Variants in BAIAP2L2 observed in about 807,000 individuals in gnomAD.
The protein encoded by BAIAP2L2 is BAR/IMD domain containing adaptor protein 2 like 2, also known as BAR/IMD domain-containing adapter protein 2-like 2.
In BAIAP2L2, 65 loss-of-function variants were observed where a neutral mutation model predicts 60.4. That is an observed-to-expected ratio of 1.08 (90% CI 0.88 to 1.32). The LOEUF (loss-of-function observed/expected upper bound fraction) is 1.32. Ranked by LOEUF, BAIAP2L2 falls within the 40% of genes most tolerant of loss-of-function variation. The pLI is 0.00. For synonymous variants in BAIAP2L2, 344 were observed against 301.7 expected (o/e 1.14, Z -1.45); for missense variants, 836 against 741.2 (o/e 1.13, Z -1.48).
At chr22:38,103,486 T>G (rs949361401) in intron 4 of BAIAP2L2, among the ~76,000 whole-genome samples, 1 of 152,150 alleles carries the variant, frequency 6.6e-6, no homozygotes. Flanking sequence ...AATGGCTCAT[T>G]CCATGTCTCA....
intron 4 of BAIAP2L2, among the ~76,000 whole-genome samples, chr22:38,107,610 C>G (rs2086690293): frequency 6.6e-6 from 1 of 152,180 alleles, no homozygotes; most frequent in Non-Finnish European, 1.5e-5. Context: ...CAGGCAATGA[C>G]TAGCTCTTTG....
chr22:38,088,008 A>C (rs2086151291), intron 10 of BAIAP2L2, among the ~76,000 whole-genome samples: 1 of 151,074 alleles, frequency 6.6e-6, no homozygotes, highest in Non-Finnish European at 1.5e-5. Context: ...AGGACCACTC[A>C]TCCATCCGTG....
At chr22:38,089,267 G>C (rs1601996891) in intron 8 of BAIAP2L2, 36 bp from the exon 9 acceptor site, 1 of 192,596 alleles carries the variant, frequency 5.2e-6, no homozygotes, top group Non-Finnish European at 8.8e-6. Flanking sequence ...GTGGGGCGGG[G>C]GGGGGGGGGG....
chr22:38,109,547 T>C (rs1408697035), intron 1 of BAIAP2L2, among the ~76,000 whole-genome samples: 1 of 152,188 alleles, frequency 6.6e-6, no homozygotes, highest in African/African-American at 2.4e-5. Flanking sequence ...GCCCGCCTGC[T>C]GTGGTCCCCA....
In BAIAP2L2 at chr22:38,087,148, T is replaced by TTCATGGGTGTCATGGGTGTCATGGGTG. The variant is rs132924; in HGVS notation, c.1234_1235insCACCCATGACACCCATGACACCCATGA (p.Met411_Asn412insThrProMetThrProMetThrProMet). 35 of 1,591,896 alleles carry TTCATGGGTGTCATGGGTGTCATGGGTG rather than the reference T, an allele frequency of 2.2e-5. No individual in the cohort carries two copies. The highest frequency in any genetic ancestry group is 2.6e-5 in the Non-Finnish European group (30 of 1,170,934). On this transcript the variant is annotated inframe_insertion, in exon 11 of 14. Coordinates refer to ENST00000381669, the MANE Select transcript of BAIAP2L2 (RefSeq NM_025045.6). ...CCTGGAAGGCAGCTCGTTCCCGGGG[T>TTCATGGGTGTCATGGGTGTCATGGGTG]TCATGGGTGTCATGGGGGACATGGA...
intron 12 of BAIAP2L2, 90 bp downstream of exon 12, chr22:38,086,152 G>T: frequency 7.0e-7 from 1 of 1,419,178 alleles, no homozygotes; most frequent in Non-Finnish European, 9.6e-7. Flanking sequence ...CGGGTCCCCT[G>T]CCAGACAGCC....
chr22:38,105,820 T>A (rs937452663), intron 4 of BAIAP2L2, among the ~76,000 whole-genome samples: 1 of 152,220 alleles, frequency 6.6e-6, no homozygotes, highest in African/African-American at 2.4e-5. Flanking sequence ...TTTTGTCTGC[T>A]GTATTCCCGC....
intron 11 of BAIAP2L2, among the ~76,000 whole-genome samples, chr22:38,086,908 A>G (rs957704817): frequency 1.3e-5 from 2 of 150,712 alleles, no homozygotes; most frequent in African/African-American, 4.9e-5. Flanking sequence ...AGGCAGGAGA[A>G]TCGCTTGAAT....
chr22:38,088,951 G>A lies in BAIAP2L2; in HGVS notation c.915C>T (p.Ser305=). The stretch of plus-strand genomic sequence containing the variant: ...TGGAGCGCGAGCTTTGGGCGCTGCC[G>A]CTGTAGAGCGAGGCTGTGGGCGGGA... ...PRTPSASSLY[S]GSAQSSRSNS... The change falls in exon 10 of 14, where the codon AGC becomes AGT. Residue 305 remains serine (S), a synonymous_variant. Coordinates refer to ENST00000381669, the MANE Select transcript of BAIAP2L2 (RefSeq NM_025045.6). The A allele has an allele frequency of 1.3e-6, 2 of 1,528,502 alleles. No individual in the cohort carries two copies. Among genetic ancestry groups the A allele is most frequent in the South Asian group, 1.2e-5 (1 of 82,980 alleles). 94.7% of individuals were successfully genotyped at this position (1,528,502 alleles called of 1,614,324 possible).
At chr22:38,087,637 T>C (rs1384162414) in intron 10 of BAIAP2L2, among the ~76,000 whole-genome samples, 1 of 151,938 alleles carries the variant, frequency 6.6e-6, no homozygotes, top group Non-Finnish European at 1.5e-5. Flanking sequence ...GTTGGCGTTC[T>C]CAGTCATCTC....
intron 10 of BAIAP2L2, 103 bp downstream of exon 10, chr22:38,088,645 C>T: frequency 8.1e-7 from 1 of 1,233,812 alleles, no homozygotes; most frequent in Non-Finnish European, 1.1e-6. Flanking sequence ...TCCGAGGCCC[C>T]CGGGGGAGGC....
At position 38,085,436 on chromosome 22, in the gene BAIAP2L2, C is replaced by T. The variant is rs535761896; in HGVS notation, c.1515-61G>A. 1,097 of 1,553,668 alleles carry T rather than the reference C, an allele frequency of 7.1e-4. 6 individuals carry two copies. Among genetic ancestry groups the T allele is most frequent in the Middle Eastern group, 5.2e-3 (31 of 5,944 alleles). ...AGATGATCCCCACCTGGCCATGGCT[C>T]AGGAAGGCAGCTGGGCAACTGAGCT... On this transcript the variant is annotated intron_variant, in intron 13 of 13. Coordinates refer to ENST00000381669, the MANE Select transcript of BAIAP2L2 (RefSeq NM_025045.6).
At position 38,084,924 on chromosome 22, in the gene BAIAP2L2, C is replaced by T. The variant is rs2086003480; in HGVS notation, c.*376G>A. ...CTTTGCGTCCACTTCCTTTATTTCT[C>T]ATCATTTACAAAAGATGTACAGAGA... On this transcript the variant is annotated 3_prime_UTR_variant, in exon 14 of 14. Coordinates refer to ENST00000381669, the MANE Select transcript of BAIAP2L2 (RefSeq NM_025045.6). 2 of 209,348 alleles carry T rather than the reference C, an allele frequency of 9.6e-6. No individual in the cohort carries two copies. The highest frequency in any genetic ancestry group is 4.6e-5 in the African/African-American group (2 of 43,046). The allele number at this position is 209,348 out of a possible 1,614,324, so 13.0% of individuals were successfully genotyped here. A position where few individuals can be genotyped will look rare whatever the true frequency, so the allele number is the denominator to read the frequency against.
intron 13 of BAIAP2L2, 86 bp from the exon 14 acceptor site, chr22:38,085,461 T>C: frequency 1.4e-6 from 2 of 1,448,144 alleles, no homozygotes; most frequent in Non-Finnish European, 1.9e-6. Flanking sequence ...GCAACTGAGC[T>C]GGGTCCTGCC....
intron 7 of BAIAP2L2, among the ~76,000 whole-genome samples, chr22:38,092,311 C>G (rs934887828): frequency 2.6e-5 from 4 of 152,216 alleles, no homozygotes; most frequent in African/African-American, 9.6e-5. Context: ...GAGCCTTGCT[C>G]TGTTGCCCAG....
chr22:38,085,476 G>A (rs1173275116), intron 13 of BAIAP2L2, 101 bp from the exon 14 acceptor site: 1 of 1,371,734 alleles, frequency 7.3e-7, no homozygotes, highest in Non-Finnish European at 1.0e-6. Flanking sequence ...CCTGCCTCCT[G>A]CCCCTATTTG....
At chr22:38,108,566 G>T (rs1294114162) in intron 2 of BAIAP2L2, among the ~76,000 whole-genome samples, 2 of 152,156 alleles carry the variant, frequency 1.3e-5, no homozygotes, top group Non-Finnish European at 2.9e-5. Flanking sequence ...GAAGCAGGGG[G>T]ATGGGAGGCC....
chr22:38,088,363 G>C (rs1467688609), intron 10 of BAIAP2L2, among the ~76,000 whole-genome samples: 1 of 152,208 alleles, frequency 6.6e-6, no homozygotes, highest in Non-Finnish European at 1.5e-5. Flanking sequence ...GCACATTTAA[G>C]CCCCTACTCC....
chr22:38,098,177 G>A lies in BAIAP2L2; in HGVS notation c.351C>T (p.Asp117=), dbSNP rs772640472. The A allele has an allele frequency of 3.1e-6, 5 of 1,613,926 alleles. No individual in the cohort carries two copies. The highest frequency in any genetic ancestry group is 4.2e-6 in the Non-Finnish European group (5 of 1,180,012). ...NTKLDMQFIK[D]SRQHYELEYR... ...ACTCGAGCTCATAGTGCTGGCGGCT[G>A]TCCTGGGGTAGGGTGGAGTCGGGGA... Residue 117 remains aspartate, a splice_region_variant and synonymous_variant, in exon 6 of 14, where the codon GAC becomes GAT. Transcript: ENST00000381669.
Sources: gnomAD v4.1 joint callset for allele counts (sites outside exome capture counted in the v4.1 genomes callset) on GRCh38, gnomAD v4.1.1 for gene constraint, MANE v1.5 for transcripts, NCBI Gene and HGNC (gene_info 2026-07-23, HGNC 2026-07-21) for gene names.